SUSD4: variants seen among roughly 807,000 people sequenced by gnomAD.
SUSD4 encodes sushi domain containing 4.
SUSD4 carries 41 observed loss-of-function variants against 50.5 expected under a neutral mutation model. That is an observed-to-expected ratio of 0.81 (90% confidence interval 0.63 to 1.05). The LOEUF (loss-of-function observed/expected upper bound fraction) is 1.05, where lower values mean the gene tolerates loss of function less well. Among genes scored for constraint, SUSD4 ranks in the 50% least tolerant of loss-of-function variants. The probability of loss-of-function intolerance (pLI) is 0.00; values close to 1 mark genes in which losing one functional copy is unlikely to be tolerated. For synonymous variants in SUSD4, 257 were observed against 257.3 expected, an observed-to-expected ratio of 1.00 and a Z score of 0.01; for missense variants, 580 against 634.7, an observed-to-expected ratio of 0.91 and a Z score of 0.93.
chr1:223,292,788 C>A, intron 2 of SUSD4, 137 bp from the exon 3 acceptor site: 1 of 841,966 alleles, frequency 1.2e-6, no homozygotes, highest in Non-Finnish European at 1.8e-6. Flanking sequence ...AAGCCAAGGA[C>A]ATTTTAGTGC....
intron 2 of SUSD4, among the ~76,000 whole-genome samples, chr1:223,346,285 C>T (rs538315452): frequency 5.3e-5 from 8 of 152,252 alleles, no homozygotes; most frequent in African/African-American, 1.9e-4. Flanking sequence ...TTCAGAAACT[C>T]TCAGTGGCTC....
chr1:223,292,291 C>A, intron 3 of SUSD4, 148 bp downstream of exon 3: 1 of 776,798 alleles, frequency 1.3e-6, no homozygotes, highest in South Asian at 1.7e-5. Context: ...ACCCTCATTA[C>A]CCACTCCTGC....
chr1:223,242,109 T>C (rs1660624416), intron 5 of SUSD4, among the ~76,000 whole-genome samples: 1 of 152,058 alleles, frequency 6.6e-6, no homozygotes, highest in Non-Finnish European at 1.5e-5. Context: ...GCCCAGCTAA[T>C]TTTTGTATTT....
intron 5 of SUSD4, among the ~76,000 whole-genome samples, chr1:223,238,655 T>C (rs1029452234): frequency 6.6e-6 from 1 of 152,020 alleles, no homozygotes; most frequent in Admixed American, 6.5e-5. Context: ...ATTATCTTTC[T>C]GGTGTTGATT....
chr1:223,221,029 T>G lies in SUSD4; in HGVS notation c.*1163A>C, dbSNP rs1659111726. On this transcript the variant is annotated 3_prime_UTR_variant, in exon 9 of 9. Coordinates refer to ENST00000366878, the MANE Select transcript of SUSD4 (RefSeq NM_017982.4). The stretch of plus-strand genomic sequence containing the variant: ...GACACTTCAGGACACTTTGGGAAAT[T>G]TTTTAATCAATCAGTTTCTTAGGAA... 2.5e-6 allele frequency: 1 copy of G among 400,722 alleles called. No homozygotes were observed. Among genetic ancestry groups the G allele is most frequent in the South Asian group, 1.3e-4 (1 of 7,962 alleles). The allele number at this position is 400,722 out of a possible 1,614,324, so 24.8% of individuals were successfully genotyped here.
intron 5 of SUSD4, among the ~76,000 whole-genome samples, chr1:223,242,453 T>C (rs1186699899): frequency 2.6e-5 from 4 of 152,112 alleles, no homozygotes; most frequent in African/African-American, 4.8e-5. Flanking sequence ...CTCCAAGCCA[T>C]TGGAACAACC....
At chr1:223,252,092 A>G in intron 5 of SUSD4, among the ~76,000 whole-genome samples, 1 of 117,394 alleles carries the variant, frequency 8.5e-6, no homozygotes, top group Non-Finnish European at 1.7e-5. Context: ...GGGGGGAGGG[A>G]TAGCATTAGG....
At chr1:223,305,518 G>C (rs1011642141) in intron 2 of SUSD4, among the ~76,000 whole-genome samples, 2 of 152,138 alleles carry the variant, frequency 1.3e-5, no homozygotes, top group Non-Finnish European at 2.9e-5. Flanking sequence ...TCTTGTTTGT[G>C]AATTTAGTGC....
chr1:223,364,376 G>A (rs1419770033), upstream of SUSD4, among the ~76,000 whole-genome samples: 1 of 147,398 alleles, frequency 6.8e-6, no homozygotes, highest in Non-Finnish European at 1.5e-5. This position sits in a 1 kb window ranked among gnomAD's most constrained non-coding sequence, Gnocchi z 4.5. Flanking sequence ...GAGTGGGGGG[G>A]CGGGGACGGG....
chr1:223,317,851 C>CTTTTTTTTTTTTTTTTTTTTTTTTTT (rs1172641015), intron 2 of SUSD4, among the ~76,000 whole-genome samples: 1 of 100,732 alleles, frequency 9.9e-6, no homozygotes, highest in Non-Finnish European at 1.9e-5. Context: ...TTTTTTTTTT[C>CTTTTTTTTTTTTTTTTTTTTTTTTTT]TTTTTTTTTT....
At chr1:223,300,727 T>C (rs1294503937) in intron 2 of SUSD4, among the ~76,000 whole-genome samples, 1 of 152,140 alleles carries the variant, frequency 6.6e-6, no homozygotes, top group Non-Finnish European at 1.5e-5. Flanking sequence ...AAAAAGGGCA[T>C]CCCTGTGAAA....
chr1:223,277,960 A>ATT (rs964478477), intron 3 of SUSD4, among the ~76,000 whole-genome samples: 2 of 151,508 alleles, frequency 1.3e-5, no homozygotes, highest in African/African-American at 4.9e-5. Context: ...CAGCTGGGAG[A>ATT]TTTTTTTTTA....
intron 1 of SUSD4, 64 bp from the exon 2 acceptor site, chr1:223,363,524 CT>C: frequency 7.3e-7 from 1 of 1,363,436 alleles, no homozygotes; most frequent in Non-Finnish European, 9.6e-7. Context: ...CACGCTCCCC[CT>C]CCTCCGCTCT....
intron 2 of SUSD4, among the ~76,000 whole-genome samples, chr1:223,339,204 A>G (rs1667621577): frequency 6.6e-6 from 1 of 152,158 alleles, no homozygotes; most frequent in Admixed American, 6.5e-5. Context: ...TGTGCACATG[A>G]GTTTGGTGTT....
At chr1:223,324,474 G>T (rs1315334281) in intron 2 of SUSD4, among the ~76,000 whole-genome samples, 1 of 151,658 alleles carries the variant, frequency 6.6e-6, no homozygotes, top group Non-Finnish European at 1.5e-5. Flanking sequence ...ATCCAAAATG[G>T]TTACTTTAAA....
At chr1:223,317,253 G>A (rs67707169) in intron 2 of SUSD4, among the ~76,000 whole-genome samples, 81,927 of 151,958 alleles carry the variant, frequency 0.54, 22,091 homozygotes, top group African/African-American at 0.57. Context: ...GCTACACTCC[G>A]ACCAGTGCCA....
chr1:223,268,430 A>G, intron 4 of SUSD4, 72 bp downstream of exon 4: 1 of 1,507,144 alleles, frequency 6.6e-7, no homozygotes, highest in Non-Finnish European at 8.9e-7. Flanking sequence ...TATTAGATAA[A>G]CATGTACACA....
At chr1:223,313,879 A>G (rs1666024891) in intron 2 of SUSD4, among the ~76,000 whole-genome samples, 1 of 152,182 alleles carries the variant, frequency 6.6e-6, no homozygotes, top group African/African-American at 2.4e-5. Flanking sequence ...TGGCAACATC[A>G]GCAAGTTACC....
chr1:223,268,357 G>A, intron 4 of SUSD4, 145 bp downstream of exon 4: 1 of 1,072,056 alleles, frequency 9.3e-7, no homozygotes, highest in Non-Finnish European at 1.3e-6. Context: ...TTGTAGTAAA[G>A]ATGCAACTGG....
Sources: gnomAD v4.1 joint callset for allele counts (sites outside exome capture counted in the v4.1 genomes callset) on GRCh38, gnomAD v4.1.1 for gene constraint, Gnocchi (gnomAD v3.1) non-coding constraint, MANE v1.5 for transcripts, NCBI Gene and HGNC (gene_info 2026-07-23, HGNC 2026-07-21) for gene names.